Variants in CYSTM1 observed in about 807,000 individuals in gnomAD.
The protein encoded by CYSTM1 is cysteine-rich transmembrane module-containing protein 1.
CYSTM1 carries 4 observed loss-of-function variants against 13.1 expected under a neutral mutation model. That is an observed-to-expected ratio of 0.31 (90% CI 0.15 to 0.70). The LOEUF (loss-of-function observed/expected upper bound fraction) is 0.70. CYSTM1 is among the 30% of genes least tolerant of loss of function. The pLI, the probability that CYSTM1 is intolerant of heterozygous loss-of-function variation, is 0.72. For missense variants in CYSTM1, 96 were observed against 121.6 expected (o/e 0.79, Z 0.99); for synonymous variants, 36 against 42.7 (o/e 0.84, Z 0.62).
At chr5:140,241,588 G>A (rs1012207290) in intron 2 of CYSTM1, among the ~76,000 whole-genome samples, 12 of 152,236 alleles carry the variant, frequency 7.9e-5, no homozygotes, top group Non-Finnish European at 1.5e-4. Context: ...AGGGGCAGGC[G>A]AGCCAATCCT....
At chr5:140,198,320 G>T (rs1334139030) in intron 2 of CYSTM1, among the ~76,000 whole-genome samples, 1 of 152,186 alleles carries the variant, frequency 6.6e-6, no homozygotes, top group African/African-American at 2.4e-5. Flanking sequence ...ATGATTCTCT[G>T]AGTTGGCTGG....
Position 140,194,603 on chromosome 5 carries a change from C to T in CYSTM1, c.138C>T (p.Tyr46=). Residue 46 remains tyrosine (Y), a synonymous_variant, in exon 2 of 3, where the codon TAC becomes TAT. Transcript: ENST00000261811. ...CTCAAGGGTACCCCTACCAAGGATA[C>T]CCACAGTACGGCTGGCAGGGTGGAC... is the stretch of plus-strand genomic sequence containing the variant. ...PPPQGYPYQG[Y]PQYGWQGGPQ... is the part of the protein sequence containing the mutation. 1.2e-6 allele frequency: 2 copies of T among 1,613,548 alleles called. No homozygotes were observed. The highest frequency in any genetic ancestry group is 8.5e-7 in the Non-Finnish European group (1 of 1,179,714).
intron 1 of CYSTM1, among the ~76,000 whole-genome samples, chr5:140,182,541 T>C (rs1763971234): frequency 6.6e-6 from 1 of 152,070 alleles, no homozygotes; most frequent in African/African-American, 2.4e-5. Context: ...TGATGCTGTG[T>C]TACATTGTTC....
chr5:140,233,704 G>A (rs1311799300), intron 2 of CYSTM1, among the ~76,000 whole-genome samples: 2 of 152,146 alleles, frequency 1.3e-5, no homozygotes, highest in African/African-American at 4.8e-5. Flanking sequence ...TCTCATTGTG[G>A]TTTTAATTTG....
intron 1 of CYSTM1, among the ~76,000 whole-genome samples, chr5:140,178,786 G>A (rs1348391662): frequency 6.6e-6 from 1 of 151,778 alleles, no homozygotes; most frequent in Non-Finnish European, 1.5e-5. Context: ...GTTTTTTGTG[G>A]AGATGGAGTT....
chr5:140,229,800 C>T (rs779591265), intron 2 of CYSTM1, among the ~76,000 whole-genome samples: 3 of 152,000 alleles, frequency 2.0e-5, no homozygotes, highest in Non-Finnish European at 4.4e-5. Context: ...CTGGTTCAAG[C>T]GATTCTCCTG....
intron 2 of CYSTM1, among the ~76,000 whole-genome samples, chr5:140,238,678 G>A (rs1056982944): frequency 5.9e-5 from 9 of 152,204 alleles, no homozygotes; most frequent in East Asian, 1.9e-4. Context: ...TGCAGGAGCC[G>A]TCTCATGGCT....
chr5:140,196,294 T>C (rs1764159143), intron 2 of CYSTM1, among the ~76,000 whole-genome samples: 1 of 152,188 alleles, frequency 6.6e-6, no homozygotes, highest in Non-Finnish European at 1.5e-5. Context: ...TCTCCTGCCT[T>C]TTCTGAGCTG....
At chr5:140,235,884 T>C (rs1191225502) in intron 2 of CYSTM1, among the ~76,000 whole-genome samples, 2 of 152,178 alleles carry the variant, frequency 1.3e-5, no homozygotes, top group African/African-American at 2.4e-5. Context: ...AGGAACTGCT[T>C]ATGCACTCAT....
chr5:140,207,200 G>C (rs1430731756), intron 2 of CYSTM1, among the ~76,000 whole-genome samples: 1 of 152,168 alleles, frequency 6.6e-6, no homozygotes, highest in Non-Finnish European at 1.5e-5. Flanking sequence ...AAGAGAGAGA[G>C]AGAGCTCTGG....
At position 140,219,150 on chromosome 5, in the gene CYSTM1, G is replaced by A. The variant is rs915639392; in HGVS notation, c.188-24155G>A. ...TCGTACAAGCCAGGCCACCACTTCT[G>A]TCTCCTTTTCTCTGCTGGTGAAGTC... On this transcript the variant is annotated intron_variant, in intron 2 of 2. Coordinates refer to ENST00000261811, the MANE Select transcript of CYSTM1 (RefSeq NM_032412.4). The surrounding 1 kb of genome is among the most constrained non-coding windows in gnomAD (Gnocchi z 4.1). Among the ~76,000 whole-genome samples, 5 of 152,150 alleles carry A rather than the reference G, an allele frequency of 3.3e-5. No homozygotes were observed. The highest frequency in any genetic ancestry group is 9.7e-5 in the African/African-American group (4 of 41,416).
chr5:140,240,565 T>C (rs766139905), intron 2 of CYSTM1, among the ~76,000 whole-genome samples: 1 of 151,538 alleles, frequency 6.6e-6, no homozygotes, highest in Non-Finnish European at 1.5e-5. Flanking sequence ...GAGTCCCCCA[T>C]TGGGAAGTGG....
chr5:140,176,080 ATTAGG>A (rs1244600810), intron 1 of CYSTM1, among the ~76,000 whole-genome samples: 1 of 152,040 alleles, frequency 6.6e-6, no homozygotes, highest in Non-Finnish European at 1.5e-5. Flanking sequence ...AGTTTGGAGA[ATTAGG>A]TTAGGGAGGA....
Position 140,243,454 on chromosome 5 carries a change from C to T in CYSTM1, c.*43C>T. On this transcript the variant is annotated 3_prime_UTR_variant, in exon 3 of 3. Transcript: ENST00000261811. ...TCCTGTCCTGCCAGCTCTGCTGCCA[C>T]CTCTGACAGGTGTGCCTGCCCCCAT... The T allele has an allele frequency of 6.4e-7, 1 of 1,562,986 alleles. No individual in the cohort carries two copies. The highest frequency in any genetic ancestry group is 8.8e-7 in the Non-Finnish European group (1 of 1,138,242).
chr5:140,235,198 C>T (rs1764666047), intron 2 of CYSTM1, among the ~76,000 whole-genome samples: 1 of 151,784 alleles, frequency 6.6e-6, no homozygotes, highest in African/African-American at 2.4e-5. Flanking sequence ...GAACTCCTGA[C>T]CTCAGGTTAT....
intron 2 of CYSTM1, among the ~76,000 whole-genome samples, chr5:140,198,825 T>G (rs1170758942): frequency 6.6e-6 from 1 of 152,232 alleles, no homozygotes; most frequent in Non-Finnish European, 1.5e-5. Flanking sequence ...TTTTCTTTTA[T>G]TATTATACTT....
intron 1 of CYSTM1, among the ~76,000 whole-genome samples, chr5:140,184,372 T>C (rs1410125275): frequency 1.4e-5 from 2 of 143,218 alleles, no homozygotes; most frequent in African/African-American, 5.2e-5. Flanking sequence ...TATATATGCA[T>C]GTGTATAAAG....
intron 1 of CYSTM1, among the ~76,000 whole-genome samples, chr5:140,188,302 G>T (rs1764046758): frequency 6.6e-6 from 1 of 151,796 alleles, no homozygotes; most frequent in Non-Finnish European, 1.5e-5. Flanking sequence ...TAACCAGGCT[G>T]GTCTTGAACT....
chr5:140,193,530 G>T (rs1764117125), intron 1 of CYSTM1, among the ~76,000 whole-genome samples: 1 of 152,170 alleles, frequency 6.6e-6, no homozygotes, highest in African/African-American at 2.4e-5. Context: ...GCCCGCCTCG[G>T]CCTCCCAAAG....
Sources: gnomAD v4.1 joint callset for allele counts (sites outside exome capture counted in the v4.1 genomes callset) on GRCh38, gnomAD v4.1.1 for gene constraint, Gnocchi (gnomAD v3.1) non-coding constraint, MANE v1.5 for transcripts, NCBI Gene and HGNC (gene_info 2026-07-23, HGNC 2026-07-21) for gene names.